The following IMMT variants were observed in gnomAD, a reference collection of about 807,000 sequenced individuals.
IMMT encodes the protein MICOS complex subunit MIC60.
A neutral mutation model predicts 92.7 loss-of-function variants in IMMT; 40 were observed. The observed-to-expected ratio is 0.43, with a 90% CI of 0.34 to 0.56. The LOEUF (loss-of-function observed/expected upper bound fraction) is 0.56, where lower values mean the gene tolerates loss of function less well. IMMT is among the 20% of genes least tolerant of loss of function. The pLI is 0.03. For synonymous variants in IMMT, 322 were observed against 336.1 expected (o/e 0.96, Z 0.46); for missense variants, 831 against 912.1 (o/e 0.91, Z 1.14).
At chr2:86,192,104 T>C (rs11901601) in intron 1 of IMMT, among the ~76,000 whole-genome samples, 5,565 of 151,548 alleles carry the variant, frequency 0.037, 333 homozygotes, top group African/African-American at 0.12. Context: ...CATGGTGGCA[T>C]AAGCCTGTAG....
intron 7 of IMMT, among the ~76,000 whole-genome samples, chr2:86,163,764 G>A (rs534989403): frequency 1.3e-5 from 2 of 151,976 alleles, no homozygotes; most frequent in East Asian, 2.0e-4. Context: ...CCTGAGGTCA[G>A]GAGTTCAAGA....
chr2:86,151,509 A>G lies in IMMT; in HGVS notation c.1189T>C (p.Ser397Pro). The G allele has an allele frequency of 6.2e-7, 1 of 1,612,754 alleles. No individual in the cohort carries two copies. The highest frequency in any genetic ancestry group is 8.5e-7 in the Non-Finnish European group (1 of 1,178,716). The change falls in exon 12 of 15, where the codon TCT becomes CCT. Residue 397 changes from serine (S) to proline (P), a missense_variant. Transcript: ENST00000410111. Reference sequence around the variant, plus strand: ...ATGAGGGAGTTCAGATCATCAGTAGAGAGCTTGTCAGCTAAGCAAAAGAGC... The same window carrying G: ...ATGAGGGAGTTCAGATCATCAGTAGGGAGCTTGTCAGCTAAGCAAAAGAGC... ...MSVSDLADKL[S>P]TDDLNSLIAH... is the part of the protein sequence containing the mutation.
intron 6 of IMMT, among the ~76,000 whole-genome samples, chr2:86,169,224 T>C (rs1237748964): frequency 6.6e-6 from 1 of 152,080 alleles, no homozygotes; most frequent in Non-Finnish European, 1.5e-5. Context: ...TATAACTTAA[T>C]TTCAAGGTGC....
intron 2 of IMMT, among the ~76,000 whole-genome samples, chr2:86,180,715 C>T (rs1462729353): frequency 3.3e-5 from 5 of 151,508 alleles, no homozygotes; most frequent in African/African-American, 7.3e-5. Context: ...GGTGAAACCC[C>T]GTCTCTACTA....
intron 11 of IMMT, among the ~76,000 whole-genome samples, chr2:86,152,204 G>T (rs1309148562): frequency 2.6e-5 from 4 of 152,108 alleles, no homozygotes; most frequent in Non-Finnish European, 4.4e-5. Context: ...ACTTTGGGAG[G>T]CCAAGGCAGG....
At chr2:86,175,597 G>A (rs996359063) in intron 3 of IMMT, among the ~76,000 whole-genome samples, 1 of 152,010 alleles carries the variant, frequency 6.6e-6, no homozygotes, top group Non-Finnish European at 1.5e-5. Context: ...AAGATTTTAT[G>A]CATGGACAGT....
intron 11 of IMMT, among the ~76,000 whole-genome samples, chr2:86,153,234 G>A (rs2104726555): frequency 6.6e-6 from 1 of 151,346 alleles, no homozygotes; most frequent in African/African-American, 2.4e-5. Flanking sequence ...ATGGGTCCTG[G>A]AAGTTCTTTA....
At chr2:86,169,158 G>A (rs1676921968) in intron 6 of IMMT, among the ~76,000 whole-genome samples, 1 of 152,198 alleles carries the variant, frequency 6.6e-6, no homozygotes, top group African/African-American at 2.4e-5. Flanking sequence ...TGAAAGATGA[G>A]AGGAACCAGG....
chr2:86,184,998 T>G (rs1303844417), intron 1 of IMMT, among the ~76,000 whole-genome samples: 1 of 152,014 alleles, frequency 6.6e-6, no homozygotes, highest in Non-Finnish European at 1.5e-5. Context: ...ACCATCCTGC[T>G]GAACATGGTG....
intron 3 of IMMT, among the ~76,000 whole-genome samples, chr2:86,178,579 T>A (rs1677609282): frequency 6.6e-6 from 1 of 150,614 alleles, no homozygotes; most frequent in Non-Finnish European, 1.5e-5. Context: ...TGAGCCGAGA[T>A]CACATCACTG....
At chr2:86,175,657 C>A in intron 3 of IMMT, among the ~76,000 whole-genome samples, 1 of 149,532 alleles carries the variant, frequency 6.7e-6, no homozygotes. Context: ...AAAAAGGTTA[C>A]TATGAAATAA....
chr2:86,155,909 G>C (rs912766323), intron 10 of IMMT, among the ~76,000 whole-genome samples: 1 of 152,088 alleles, frequency 6.6e-6, no homozygotes, highest in Non-Finnish European at 1.5e-5. Flanking sequence ...AACTGTGAGA[G>C]GGAAACTTCA....
At chr2:86,193,516 T>G (rs574782355) in intron 1 of IMMT, among the ~76,000 whole-genome samples, 139 of 152,246 alleles carry the variant, frequency 9.1e-4, no homozygotes, top group Middle Eastern at 3.4e-3. Context: ...GAGAGTCACC[T>G]GCTTGGGGAT....
chr2:86,178,983 A>G (rs1677640901), intron 3 of IMMT, among the ~76,000 whole-genome samples: 1 of 151,882 alleles, frequency 6.6e-6, no homozygotes, highest in African/African-American at 2.4e-5. Context: ...AATCGCTTGA[A>G]CCCGGAGGCG....
intron 3 of IMMT, among the ~76,000 whole-genome samples, chr2:86,175,568 T>G (rs958471653): frequency 3.9e-5 from 6 of 152,140 alleles, no homozygotes; most frequent in African/African-American, 1.2e-4. Flanking sequence ...TAGGCAGGTG[T>G]TATTCCATGT....
chr2:86,153,683 T>A, intron 10 of IMMT, 109 bp from the exon 11 acceptor site: 1 of 603,966 alleles, frequency 1.7e-6, no homozygotes, highest in Non-Finnish European at 2.8e-6. Context: ...CGGAGACTAG[T>A]ACCAGGAAAA....
intron 1 of IMMT, among the ~76,000 whole-genome samples, chr2:86,193,468 T>C (rs569469043): frequency 2.6e-5 from 4 of 151,554 alleles, no homozygotes; most frequent in East Asian, 3.9e-4. Flanking sequence ...AAGTGAGATA[T>C]TCTGGATACG....
chr2:86,151,997 T>G (rs1675497232), intron 11 of IMMT, among the ~76,000 whole-genome samples: 1 of 152,220 alleles, frequency 6.6e-6, no homozygotes, highest in Non-Finnish European at 1.5e-5. Context: ...TGATCTAGAT[T>G]AAATCCCAAC....
chr2:86,158,501 G>T, intron 10 of IMMT, 91 bp downstream of exon 10: 1 of 1,044,886 alleles, frequency 9.6e-7, no homozygotes, highest in Non-Finnish European at 1.4e-6. Flanking sequence ...ATGCCAGAGG[G>T]ATGTGGACTA....
Sources: allele counts gnomAD v4.1 joint callset (sites outside exome capture counted in the v4.1 genomes callset), GRCh38; gene constraint gnomAD v4.1.1; transcripts MANE v1.5; gene names NCBI Gene and HGNC (gene_info 2026-07-23, HGNC 2026-07-21).